Variants in ERBB4 observed in about 807,000 individuals in gnomAD.
ERBB4 encodes receptor tyrosine-protein kinase erbB-4.
Under a neutral mutation model 158.0 loss-of-function variants are expected in ERBB4, and 42 were observed. The ratio of observed to expected loss-of-function variants is 0.27; its 90% CI spans 0.21 to 0.34. The LOEUF is 0.34. Ranked by LOEUF, ERBB4 falls within the 10% of genes least tolerant of loss-of-function variation. The pLI is 1.00. For missense variants in ERBB4, 1,333 were observed against 1,624.1 expected (o/e 0.82, Z 3.08); for synonymous variants, 583 against 558.7 (o/e 1.04, Z -0.61).
intron 20 of ERBB4, among the ~76,000 whole-genome samples, chr2:211,495,963 T>G (rs1347828757): frequency 2.6e-5 from 4 of 151,972 alleles, no homozygotes; most frequent in African/African-American, 7.2e-5. Context: ...AAAAATAATC[T>G]CCATACTGAT....
chr2:211,517,481 A>G (rs2066067700), intron 20 of ERBB4, among the ~76,000 whole-genome samples: 1 of 152,134 alleles, frequency 6.6e-6, no homozygotes, highest in Non-Finnish European at 1.5e-5. Flanking sequence ...TTCTAAAGCT[A>G]ACATTTTGCA....
At chr2:211,616,440 T>C (rs945416062) in intron 19 of ERBB4, among the ~76,000 whole-genome samples, 6 of 152,172 alleles carry the variant, frequency 3.9e-5, no homozygotes, top group African/African-American at 1.2e-4. Flanking sequence ...GTTAAACTTA[T>C]TACTTTTAAC....
intron 2 of ERBB4, among the ~76,000 whole-genome samples, chr2:212,048,768 A>G (rs2077323321): frequency 6.6e-6 from 1 of 152,228 alleles, no homozygotes; most frequent in Admixed American, 6.5e-5. Context: ...CCTGAGAAGT[A>G]TATTTGGGAA....
chr2:211,424,870 C>T (rs551970603), intron 22 of ERBB4, among the ~76,000 whole-genome samples: 1 of 152,104 alleles, frequency 6.6e-6, no homozygotes, highest in East Asian at 1.9e-4. Context: ...GAGGAATGTT[C>T]CATACGTAAT....
At chr2:211,872,151 A>C (rs2106117235) in intron 3 of ERBB4, among the ~76,000 whole-genome samples, 1 of 152,300 alleles carries the variant, frequency 6.6e-6, no homozygotes, top group East Asian at 1.9e-4. Context: ...GCTCAAATGA[A>C]AAAATACATA....
chr2:212,225,357 G>A (rs1290857082), intron 1 of ERBB4, among the ~76,000 whole-genome samples: 1 of 151,990 alleles, frequency 6.6e-6, no homozygotes, highest in Non-Finnish European at 1.5e-5. Flanking sequence ...CAGCGTTGGG[G>A]AGATAATTTC....
At chr2:211,399,266 T>C (rs2062984704) in intron 25 of ERBB4, among the ~76,000 whole-genome samples, 1 of 152,240 alleles carries the variant, frequency 6.6e-6, no homozygotes, top group African/African-American at 2.4e-5. Flanking sequence ...AGAAATGGAT[T>C]CACTCTAATT....
rs183994246 is a variant in ERBB4 at position 211,649,366 on chromosome 2, G to A, written c.1946+8388C>T. Among the ~76,000 whole-genome samples, 6 of 151,914 alleles carry A rather than the reference G, an allele frequency of 3.9e-5. No homozygotes were observed. The East Asian group carries it at 1.2e-3, about 29-fold the overall frequency. The stretch of plus-strand genomic sequence containing the variant: ...TACATATTAGGATTTTCTAAAGGTG[G>A]CAAAAACAAGCTCCTAGCTAAATAT... On this transcript the variant is annotated intron_variant, in intron 16 of 27. Coordinates refer to ENST00000342788, the MANE Select transcript of ERBB4 (RefSeq NM_005235.3).
At chr2:212,429,210 TAAG>T (rs1277232436) in intron 1 of ERBB4, 4 of 152,140 alleles carry the variant, frequency 2.6e-5, no homozygotes, top group South Asian at 2.1e-4. Flanking sequence ...AGACACAGAT[TAAG>T]AAGATCTCAC....
At chr2:212,240,853 C>G (rs939510756) in intron 1 of ERBB4, among the ~76,000 whole-genome samples, 4 of 151,856 alleles carry the variant, frequency 2.6e-5, no homozygotes, top group African/African-American at 9.7e-5. Flanking sequence ...ATGTTAAAAG[C>G]CTTCCATGTC....
rs769825183 is a variant in ERBB4, at chr2:211,377,301, G to A, written c.*6314C>T. The A allele has an allele frequency of 1.2e-4, 27 of 233,040 alleles. No individual in the cohort carries two copies. The East Asian group carries it at 1.2e-3, about 10-fold the overall frequency. 14.4% of individuals were successfully genotyped at this position (233,040 alleles called of 1,614,324 possible). On this transcript the variant is annotated 3_prime_UTR_variant, in exon 28 of 28. Transcript: ENST00000342788. The stretch of plus-strand genomic sequence containing the variant: ...CTATAGGCCTGGGGGAAATATCTAC[G>A]CATTGGGGATAAAAATAGCAGTAAA...
At chr2:212,163,588 TGA>T (rs146595709) in intron 1 of ERBB4, among the ~76,000 whole-genome samples, 2,021 of 152,158 alleles carry the variant, frequency 0.013, 48 homozygotes, top group African/African-American at 0.046. Flanking sequence ...TAATTTTTAC[TGA>T]GTCATGTCAG....
intron 1 of ERBB4, among the ~76,000 whole-genome samples, chr2:212,351,352 TA>T (rs1412083535): frequency 1.3e-5 from 2 of 152,080 alleles, no homozygotes; most frequent in Non-Finnish European, 2.9e-5. Flanking sequence ...TATGGTAAAA[TA>T]AATTTATGTT....
chr2:211,393,423 T>C (rs142642892), intron 25 of ERBB4, among the ~76,000 whole-genome samples: 1 of 152,332 alleles, frequency 6.6e-6, no homozygotes, highest in Admixed American at 6.5e-5. Context: ...TCTGACCACA[T>C]AGCCCGTCAC....
intron 1 of ERBB4, among the ~76,000 whole-genome samples, chr2:212,390,320 T>C (rs1457041853): frequency 6.6e-6 from 1 of 151,852 alleles, no homozygotes; most frequent in Non-Finnish European, 1.5e-5. Context: ...TGTAAATCAA[T>C]TTAAGTAGAC....
At chr2:212,301,412 C>A (rs2086616823) in intron 1 of ERBB4, among the ~76,000 whole-genome samples, 1 of 151,310 alleles carries the variant, frequency 6.6e-6, no homozygotes, top group African/African-American at 2.4e-5. Context: ...AGATTAGAGA[C>A]CAATATATCT....
chr2:211,550,576 T>A (rs1365287957), intron 20 of ERBB4, among the ~76,000 whole-genome samples: 1 of 143,040 alleles, frequency 7.0e-6, no homozygotes, highest in East Asian at 2.0e-4. Context: ...TTCCTTAGAA[T>A]ATATATATAT....
At chr2:212,504,318 TTAAG>T (rs1691063826) in intron 1 of ERBB4, among the ~76,000 whole-genome samples, 1 of 152,130 alleles carries the variant, frequency 6.6e-6, no homozygotes, top group Middle Eastern at 3.2e-3. Context: ...TTCTTCTACA[TTAAG>T]TCCTTAACTC....
chr2:212,227,010 C>A (rs2083493786), intron 1 of ERBB4, among the ~76,000 whole-genome samples: 1 of 152,046 alleles, frequency 6.6e-6, no homozygotes, highest in Non-Finnish European at 1.5e-5. Context: ...CTCTAGAAGG[C>A]CGAGGCTGGC....
Sources: allele counts gnomAD v4.1 joint callset (sites outside exome capture counted in the v4.1 genomes callset), GRCh38; gene constraint gnomAD v4.1.1; transcripts MANE v1.5; gene names NCBI Gene and HGNC (gene_info 2026-07-23, HGNC 2026-07-21).